ZMYM2: variants seen among roughly 807,000 people sequenced by gnomAD.
ZMYM2 encodes the protein zinc finger MYM-type containing 2.
In ZMYM2, 56 loss-of-function variants were observed where a neutral mutation model predicts 162.8. That is an observed-to-expected ratio of 0.34 (90% CI 0.28 to 0.43). The LOEUF (loss-of-function observed/expected upper bound fraction) is 0.43, where lower values mean the gene tolerates loss of function less well. Among genes scored for constraint, ZMYM2 ranks in the 20% least tolerant of loss-of-function variants. The probability of loss-of-function intolerance (pLI) is 1.00; values close to 1 mark genes in which losing one functional copy is unlikely to be tolerated. For missense variants in ZMYM2, 1,275 were observed against 1,621.8 expected, an observed-to-expected ratio of 0.79 and a Z score of 3.67; for synonymous variants, 510 against 541.6, an observed-to-expected ratio of 0.94 and a Z score of 0.81.
upstream of ZMYM2, among the ~76,000 whole-genome samples, chr13:19,955,301 A>G (rs1012184509): frequency 1.3e-5 from 2 of 152,146 alleles, no homozygotes; most frequent in Non-Finnish European, 2.9e-5. Flanking sequence ...TGAGGTCTAT[A>G]TTAAGTGAGG....
the ZMYM2 span, among the ~76,000 whole-genome samples, chr13:19,869,817 AAG>A: frequency 2.8e-3 from 430 of 152,292 alleles, 4 homozygotes; most frequent in South Asian, 0.025. Context: ...ATAAATAAAA[AAG>A]AATAATTAGT....
At chr13:19,926,107 C>T in the ZMYM2 span, among the ~76,000 whole-genome samples, 2 of 150,656 alleles carry the variant, frequency 1.3e-5, no homozygotes, top group African/African-American at 4.9e-5. Context: ...ATTACAGGTG[C>T]CCGTCACCAA....
the ZMYM2 span, among the ~76,000 whole-genome samples, chr13:19,932,063 ACT>A: frequency 6.6e-6 from 1 of 151,992 alleles, no homozygotes; most frequent in African/African-American, 2.4e-5. Flanking sequence ...GATTATTTAG[ACT>A]CTATTAAGAA....
Position 19,993,086 on chromosome 13 carries a change from C to G in ZMYM2, c.14C>G (p.Ser5Ter). The G allele has an allele frequency of 3.1e-6, 5 of 1,602,756 alleles. No individual in the cohort carries two copies. Among genetic ancestry groups the G allele is most frequent in the Non-Finnish European group, 3.4e-6 (4 of 1,175,440 alleles). The change falls in exon 3 of 25, where the codon TCA becomes TGA. Residue 5 changes from serine (S) to a stop codon, truncating the protein, a stop_gained. Coordinates refer to ENST00000610343, the MANE Select transcript of ZMYM2 (RefSeq NM_197968.4). LOFTEE classifies it high-confidence loss of function. ...AGGTTCTTTGGCATGGACACAAGTT[C>G]AGTGGGAGGATTAGAATTGACTGAT... MDTS[S>*]VGGLELTDQT...
intron 21 of ZMYM2, among the ~76,000 whole-genome samples, chr13:20,077,847 C>A (rs77931736): frequency 7.0e-6 from 1 of 143,800 alleles, no homozygotes; most frequent in African/African-American, 2.5e-5. Flanking sequence ...AAGTTTTTTT[C>A]TTTTTTTTTT....
At chr13:19,903,841 T>C in the ZMYM2 span, among the ~76,000 whole-genome samples, 1 of 150,240 alleles carries the variant, frequency 6.7e-6, no homozygotes, top group South Asian at 2.1e-4. Flanking sequence ...AGTGAGACCC[T>C]GTCTCAAAAA....
At chr13:19,957,613 G>GA (rs1186879519), upstream of ZMYM2, among the ~76,000 whole-genome samples, 1 of 152,254 alleles carries the variant, frequency 6.6e-6, no homozygotes, top group East Asian at 1.9e-4. Flanking sequence ...GCCGCAGCGA[G>GA]TGCGCCCCGC....
At chr13:19,943,942 G>A in the ZMYM2 span, among the ~76,000 whole-genome samples, 16 of 152,182 alleles carry the variant, frequency 1.1e-4, no homozygotes, top group Non-Finnish European at 2.1e-4. Flanking sequence ...TGTGTCTAGT[G>A]TGTAGGCTGT....
At position 19,977,880 on chromosome 13, in the gene ZMYM2, G is replaced by GTTT. The variant is rs1245525008; in HGVS notation, c.-10-15171_-10-15169dup. Among the ~76,000 whole-genome samples, 1,310 of 135,790 alleles carry GTTT rather than the reference G, an allele frequency of 9.6e-3. 12 individuals are homozygous for GTTT. Among genetic ancestry groups the GTTT allele is most frequent in the Middle Eastern group, 0.029 (7 of 238 alleles). The allele number at this position is 135,790 out of a possible 152,430, so 89.1% of individuals were successfully genotyped here. A position where few individuals can be genotyped will look rare whatever the true frequency, so the allele number is the denominator to read the frequency against. On this transcript the variant is annotated intron_variant, in intron 2 of 24. Transcript: ENST00000610343. ...CCCTTCTTTTCTATATATTTTAAAA[G>GTTT]TTTTTTTTTTTTTTGAGACGGGGTC...
At chr13:20,034,517 TGAG>T in intron 11 of ZMYM2, 113 bp downstream of exon 11, 1 of 1,028,942 alleles carries the variant, frequency 9.7e-7, no homozygotes, top group Non-Finnish European at 1.3e-6. Context: ...CAAAAAAAAT[TGAG>T]TTTACGTTTC....
chr13:20,044,827 A>G (rs887966070), intron 12 of ZMYM2, among the ~76,000 whole-genome samples: 1 of 152,024 alleles, frequency 6.6e-6, no homozygotes, highest in African/African-American at 2.4e-5. Flanking sequence ...AGGCGGGCAG[A>G]TCACTTGAGG....
chr13:20,083,669 T>C lies in ZMYM2; in HGVS notation c.3834T>C (p.Thr1278=). 6.5e-7 allele frequency: 1 copy of C among 1,536,464 alleles called. No individual in the cohort carries two copies. The highest frequency in any genetic ancestry group is 1.7e-4 in the Middle Eastern group (1 of 5,912). The change falls in exon 24 of 25, where the codon ACT becomes ACC. Residue 1278 remains threonine, a synonymous_variant. Transcript: ENST00000610343. ...TTATTTTTTAAGATAAAATTACTAC[T>C]GGAAAAAGAAAACATGAAGATGATG... ...CGTDNEDKIT[T]GKRKHEDDEP... is the part of the protein sequence containing the mutation.
intron 7 of ZMYM2, chr13:20,025,559 C>T (rs568538068): frequency 6.3e-6 from 1 of 159,514 alleles, no homozygotes; most frequent in African/African-American, 2.4e-5. Context: ...CTCCTGGGCT[C>T]AAGCATTCCA....
At chr13:20,063,034 A>G (rs1956346215) in intron 18 of ZMYM2, 63 bp downstream of exon 18, 1 of 1,497,446 alleles carries the variant, frequency 6.7e-7, no homozygotes, top group African/African-American at 1.4e-5. Context: ...ATGATCATTT[A>G]CCATTTGATG....
At chr13:19,982,569 C>T (rs946723950) in intron 2 of ZMYM2, among the ~76,000 whole-genome samples, 7 of 152,074 alleles carry the variant, frequency 4.6e-5, no homozygotes, top group Admixed American at 1.3e-4. Context: ...GCCCTAAGTA[C>T]GTCATCCCCT....
chr13:20,079,465 C>T (rs1593272464), intron 21 of ZMYM2, among the ~76,000 whole-genome samples: 1 of 151,466 alleles, frequency 6.6e-6, no homozygotes, highest in East Asian at 1.9e-4. Context: ...CGCAGCTTCT[C>T]CTTTGCCTCT....
At chr13:19,971,785 A>G (rs1956358219) in intron 2 of ZMYM2, among the ~76,000 whole-genome samples, 1 of 152,034 alleles carries the variant, frequency 6.6e-6, no homozygotes, top group Non-Finnish European at 1.5e-5. Flanking sequence ...TGATCTCCAG[A>G]TTTCTATTAT....
the ZMYM2 span, among the ~76,000 whole-genome samples, chr13:19,872,974 A>G: frequency 1.3e-5 from 2 of 150,424 alleles, no homozygotes; most frequent in Admixed American, 6.8e-5. Context: ...CACTCCAGCC[A>G]GGGTGACAGA....
At chr13:19,954,126 A>ATTTTTTTTTTTTTTTTTTTTTTTTTT (rs781288600), upstream of ZMYM2, among the ~76,000 whole-genome samples, 49 of 64,910 alleles carry the variant, frequency 7.5e-4, 19 homozygotes, top group East Asian at 1.2e-3. Context: ...GCTATGTTTA[A>ATTTTTTTTTTTTTTTTTTTTTTTTTT]TTTTTTTTTT....
Sources: allele counts gnomAD v4.1 joint callset (sites outside exome capture counted in the v4.1 genomes callset), GRCh38; gene constraint gnomAD v4.1.1; transcripts MANE v1.5; gene names NCBI Gene and HGNC (gene_info 2026-07-23, HGNC 2026-07-21).